CPNE8: variants seen among roughly 807,000 people sequenced by gnomAD.
CPNE8 encodes the protein copine 8, also known as copine-8.
In CPNE8, 45 loss-of-function variants were observed where a neutral mutation model predicts 81.5. The ratio of observed to expected loss-of-function variants is 0.55; its 90% CI spans 0.44 to 0.71. The LOEUF (loss-of-function observed/expected upper bound fraction) is 0.71. CPNE8 is among the 30% of genes least tolerant of loss of function. The probability of loss-of-function intolerance (pLI) is 0.00; values close to 1 mark genes in which losing one functional copy is unlikely to be tolerated. For synonymous variants in CPNE8, 252 were observed against 226.3 expected (o/e 1.11, Z -1.02); for missense variants, 594 against 672.1 (o/e 0.88, Z 1.28).
intron 19 of CPNE8, among the ~76,000 whole-genome samples, chr12:38,664,369 G>C (rs1939021923): frequency 6.6e-6 from 1 of 151,938 alleles, no homozygotes; most frequent in African/African-American, 2.4e-5. Flanking sequence ...TATTATATAT[G>C]AAAGCCATCA....
intron 3 of CPNE8, among the ~76,000 whole-genome samples, chr12:38,867,079 T>C (rs1943924906): frequency 6.6e-6 from 1 of 151,988 alleles, no homozygotes; most frequent in Admixed American, 6.6e-5. Flanking sequence ...GGCTGGTCTC[T>C]AACTCCTGAC....
chr12:38,824,274 A>G (rs1377983911), intron 6 of CPNE8, among the ~76,000 whole-genome samples: 3 of 152,310 alleles, frequency 2.0e-5, no homozygotes, highest in Non-Finnish European at 4.4e-5. Flanking sequence ...AAACACAGAA[A>G]GTAAAAAAGC....
At chr12:38,793,009 A>G (rs1942362083) in intron 6 of CPNE8, among the ~76,000 whole-genome samples, 1 of 151,968 alleles carries the variant, frequency 6.6e-6, no homozygotes, top group African/African-American at 2.4e-5. Context: ...ACTGATGCAG[A>G]AAAAGCATTT....
intron 6 of CPNE8, among the ~76,000 whole-genome samples, chr12:38,823,297 C>G (rs1039124301): frequency 9.9e-5 from 15 of 152,092 alleles, no homozygotes; most frequent in Admixed American, 9.8e-4. Context: ...TGTCTCTGTC[C>G]TTGAACCCTA....
At chr12:38,856,898 C>T (rs1381758222) in intron 3 of CPNE8, among the ~76,000 whole-genome samples, 1 of 151,520 alleles carries the variant, frequency 6.6e-6, no homozygotes, top group Non-Finnish European at 1.5e-5. Flanking sequence ...ACTTTAGATG[C>T]TTCACATTTA....
intron 12 of CPNE8, among the ~76,000 whole-genome samples, 170 bp from the exon 13 acceptor site, chr12:38,724,003 A>C (rs918887279): frequency 6.6e-6 from 1 of 152,192 alleles, no homozygotes; most frequent in Non-Finnish European, 1.5e-5. Flanking sequence ...AATTATCTGA[A>C]GGAAAGGGAC....
At chr12:38,664,100 TA>T (rs1317025100) in intron 19 of CPNE8, among the ~76,000 whole-genome samples, 1 of 152,116 alleles carries the variant, frequency 6.6e-6, no homozygotes, top group Non-Finnish European at 1.5e-5. Flanking sequence ...ATTTATTGAA[TA>T]TTTTTGAATA....
intron 6 of CPNE8, among the ~76,000 whole-genome samples, chr12:38,785,664 C>T (rs1331272425): frequency 6.6e-6 from 1 of 152,142 alleles, no homozygotes; most frequent in East Asian, 1.9e-4. Flanking sequence ...AAACTTCTTT[C>T]CTTTATAATT....
chr12:38,855,839 T>A (rs1321814631), intron 3 of CPNE8, among the ~76,000 whole-genome samples: 1 of 152,052 alleles, frequency 6.6e-6, no homozygotes, highest in African/African-American at 2.4e-5. Context: ...CATAAATATA[T>A]AATATGCAAT....
intron 7 of CPNE8, among the ~76,000 whole-genome samples, chr12:38,769,063 T>C (rs983887690): frequency 6.6e-6 from 1 of 152,188 alleles, no homozygotes; most frequent in African/African-American, 2.4e-5. Context: ...ATGCTACCTT[T>C]ATCATTCATT....
Position 38,848,617 on chromosome 12 carries a change from C to T in CPNE8, c.232G>A (p.Val78Ile). The T allele has an allele frequency of 6.3e-7, 1 of 1,594,876 alleles. No homozygotes were observed. The highest frequency in any genetic ancestry group is 2.3e-5 in the East Asian group (1 of 44,400). The part of the protein sequence containing the change: ...VIDNTLNPDF[V>I]RKFILDYFFE... ...AAGTAGTCCAGAATAAACTTTCTTA[C>T]AAAATCAGGATTTAAAGTATTATCA... is the stretch of plus-strand genomic sequence containing the variant. Residue 78 changes from valine (V) to isoleucine (I), a missense_variant, in exon 4 of 20, where the codon GTA (valine) becomes ATA (isoleucine). Val to Ile is a conservative substitution (Grantham distance 29). Transcript: ENST00000331366.
At position 38,717,429 on chromosome 12, in the gene CPNE8, G is replaced by GTGTGTATATATATATATATA. The variant is rs770984926; in HGVS notation, c.914+6342_914+6343insTATATATATATATATACACA. 3.4e-5 allele frequency among the ~76,000 whole-genome samples: 3 copies of GTGTGTATATATATATATATA among 87,034 alleles called. 1 individual carries two copies. The highest frequency in any genetic ancestry group is 5.0e-4 in the South Asian group (1 of 1,994). 57.1% of individuals were successfully genotyped at this position (87,034 alleles called of 152,430 possible). A position where few individuals can be genotyped will look rare whatever the true frequency, so the allele number is the denominator to read the frequency against. ...AACAAGTAAACAAAGAAAGTGTGGT[G>GTGTGTATATATATATATATA]TATATATATATATATATATATATAT... On this transcript the variant is annotated intron_variant, in intron 13 of 19. Transcript: ENST00000331366.
At chr12:38,845,877 A>G (rs1372989007) in intron 4 of CPNE8, among the ~76,000 whole-genome samples, 1 of 152,190 alleles carries the variant, frequency 6.6e-6, no homozygotes, top group Non-Finnish European at 1.5e-5. Flanking sequence ...TGAACTTTTC[A>G]GCAATCATAT....
chr12:38,702,781 T>C lies in CPNE8; in HGVS notation c.961+94A>G, dbSNP rs1042313692. 7.0e-6 allele frequency: 5 copies of C among 711,962 alleles called. No individual in the cohort carries two copies. In the Admixed American group the frequency reaches 8.7e-5, roughly 12 times the overall value. 44.1% of individuals were successfully genotyped at this position (711,962 alleles called of 1,614,324 possible). ...TTATATGGAAAACTTCAGAAGTATG[T>C]AAATATAGAAATAAATTAACACTTA... On this transcript the variant is annotated intron_variant, in intron 14 of 19. Transcript: ENST00000331366.
intron 6 of CPNE8, among the ~76,000 whole-genome samples, chr12:38,805,892 T>C (rs959982456): frequency 6.7e-6 from 1 of 148,920 alleles, no homozygotes. Context: ...AAGAATCAAA[T>C]AGACACAATA....
intron 1 of CPNE8, among the ~76,000 whole-genome samples, chr12:38,905,234 T>G (rs1592168768): frequency 6.6e-6 from 1 of 151,972 alleles, no homozygotes; most frequent in Non-Finnish European, 1.5e-5. Context: ...ATACAAAGTC[T>G]CAGTCCCGGA....
chr12:38,872,943 C>A, intron 3 of CPNE8, 61 bp downstream of exon 3: 3 of 920,180 alleles, frequency 3.3e-6, no homozygotes, highest in East Asian at 2.5e-5. Flanking sequence ...TCATCTTGAT[C>A]AAGTTATAAC....
chr12:38,809,184 C>T lies in CPNE8; in HGVS notation c.407+20195G>A, dbSNP rs79649158. Among the ~76,000 whole-genome samples the T allele has an allele frequency of 9.8e-5, 15 of 152,302 alleles. No individual in the cohort carries two copies. The East Asian group carries it at 2.5e-3, about 25-fold the overall frequency. On this transcript the variant is annotated intron_variant, in intron 6 of 19. Transcript: ENST00000331366. Reference sequence around the variant, plus strand: ...CACAGTTAGGAAGTCAGAAGTTGAGCGAGCTCAGCTGGGAATTCTGCTTAG... The same window carrying T: ...CACAGTTAGGAAGTCAGAAGTTGAGTGAGCTCAGCTGGGAATTCTGCTTAG...
chr12:38,840,710 A>G (rs1351493214), intron 4 of CPNE8, among the ~76,000 whole-genome samples: 1 of 152,174 alleles, frequency 6.6e-6, no homozygotes, highest in Non-Finnish European at 1.5e-5. Context: ...AAGAAAACAT[A>G]CATTTTATGG....
Sources: gnomAD v4.1 joint callset for allele counts (sites outside exome capture counted in the v4.1 genomes callset) on GRCh38, gnomAD v4.1.1 for gene constraint, MANE v1.5 for transcripts, NCBI Gene and HGNC (gene_info 2026-07-23, HGNC 2026-07-21) for gene names.